ZSWIM6: variants seen among roughly 807,000 people sequenced by gnomAD.
The protein encoded by ZSWIM6 is zinc finger SWIM-type containing 6.
ZSWIM6 carries 9 observed loss-of-function variants against 113.2 expected under a neutral mutation model. That is an observed-to-expected ratio of 0.08 (90% CI 0.05 to 0.14). The LOEUF is 0.14. Ranked by LOEUF, ZSWIM6 falls within the 10% of genes least tolerant of loss-of-function variation. The pLI is 1.00. For synonymous variants in ZSWIM6, 611 were observed against 606.5 expected (o/e 1.01, Z -0.11); for missense variants, 1,162 against 1,552.2 (o/e 0.75, Z 4.22).
chr5:61,390,799 C>G (rs1356095429), intron 1 of ZSWIM6: 1 of 793,368 alleles, frequency 1.3e-6, no homozygotes, highest in Non-Finnish European at 2.3e-6. Flanking sequence ...TCAATCTTCT[C>G]CAGAGGCCGC....
chr5:61,482,112 G>T (rs1340596624), intron 2 of ZSWIM6, among the ~76,000 whole-genome samples: 1 of 152,150 alleles, frequency 6.6e-6, no homozygotes, highest in African/African-American at 2.4e-5. Flanking sequence ...ATGTTGAGAG[G>T]TTTGTCTTTG....
At chr5:61,445,065 C>G (rs1206125469) in intron 1 of ZSWIM6, among the ~76,000 whole-genome samples, 1 of 152,180 alleles carries the variant, frequency 6.6e-6, no homozygotes, top group Non-Finnish European at 1.5e-5. Context: ...TAGTTGCTGC[C>G]TGCAGCATTT....
intron 2 of ZSWIM6, 72 bp downstream of exon 2, chr5:61,473,109 A>G (rs1390255078): frequency 5.1e-6 from 5 of 984,798 alleles, no homozygotes; most frequent in Non-Finnish European, 7.2e-6. Context: ...ATTCTTCTGC[A>G]TAAAAGTGAA....
intron 1 of ZSWIM6, among the ~76,000 whole-genome samples, chr5:61,404,278 T>A (rs1179753759): frequency 6.6e-6 from 1 of 152,276 alleles, no homozygotes; most frequent in Admixed American, 6.5e-5. Context: ...TTCTCACTTA[T>A]CAGTTGCATT....
At chr5:61,347,818 A>G (rs1379928479) in intron 1 of ZSWIM6, 1 of 152,236 alleles carries the variant, frequency 6.6e-6, no homozygotes, top group Non-Finnish European at 1.5e-5. Context: ...ACTTTTCGAC[A>G]TGAAACTCAC....
intron 1 of ZSWIM6, among the ~76,000 whole-genome samples, chr5:61,411,261 G>A (rs1317722659): frequency 1.3e-5 from 2 of 152,188 alleles, no homozygotes; most frequent in Non-Finnish European, 2.9e-5. Context: ...CTTGTTGGAT[G>A]AGTCTGTATT....
intron 1 of ZSWIM6, among the ~76,000 whole-genome samples, chr5:61,422,081 T>C (rs1344272382): frequency 6.6e-6 from 1 of 152,176 alleles, no homozygotes; most frequent in Non-Finnish European, 1.5e-5. Context: ...TGTGATCCCA[T>C]TTGTCCATTT....
At chr5:61,475,989 G>A (rs974852497) in intron 2 of ZSWIM6, among the ~76,000 whole-genome samples, 6 of 152,076 alleles carry the variant, frequency 3.9e-5, no homozygotes, top group African/African-American at 1.2e-4. Context: ...CTTTGGAAAA[G>A]CATCACTTTT....
At position 61,541,034 on chromosome 5, in the gene ZSWIM6, C is replaced by T. The variant is rs182509192; in HGVS notation, c.2704-850C>T. Among the ~76,000 whole-genome samples the T allele has an allele frequency of 3.3e-5, 5 of 150,966 alleles. No homozygotes were observed. In the East Asian group the frequency reaches 7.8e-4, roughly 24 times the overall value. ...TCTCAGCTCACTGCAACCTCTGCCTCCTGGGTTCAAGCAATTCTTCTACTT... is the reference window on the plus strand; with the variant it reads ...TCTCAGCTCACTGCAACCTCTGCCTTCTGGGTTCAAGCAATTCTTCTACTT... On this transcript the variant is annotated intron_variant, in intron 12 of 13. Transcript: ENST00000252744.
chr5:61,332,375 G>T lies in ZSWIM6; in HGVS notation c.103G>T (p.Gly35Cys), dbSNP rs1033632244. ...CAGCAGCGGCGGCGGCGGCGGCGCG[G>T]GTGGCGGCTACAGCTCTGCCTGTCG... ...GGSSGGGGGAGGGYSSACRPG... is the reference protein window; with the variant it reads ...GGSSGGGGGACGGYSSACRPG... The change falls in exon 1 of 14, where the codon GGT (glycine) becomes TGT (cysteine). Residue 35 changes from glycine (G) to cysteine (C), a missense_variant. Coordinates refer to ENST00000252744, the MANE Select transcript of ZSWIM6 (RefSeq NM_020928.2). 8.1e-6 allele frequency: 8 copies of T among 993,294 alleles called. No individual in the cohort carries two copies. Among genetic ancestry groups the T allele is most frequent in the Non-Finnish European group, 8.4e-6 (7 of 834,966 alleles). The allele number at this position is 993,294 out of a possible 1,614,324, so 61.5% of individuals were successfully genotyped here. A position where few individuals can be genotyped will look rare whatever the true frequency, so the allele number is the denominator to read the frequency against.
intron 1 of ZSWIM6, among the ~76,000 whole-genome samples, chr5:61,436,262 G>A (rs1217425548): frequency 6.6e-6 from 1 of 151,890 alleles, no homozygotes. Context: ...GTAGCAGCTT[G>A]AACATCAGCT....
intron 1 of ZSWIM6, chr5:61,391,631 T>C (rs937422347): frequency 1.1e-6 from 1 of 936,728 alleles, no homozygotes; most frequent in Non-Finnish European, 1.8e-6. Context: ...ATGGGTGGTA[T>C]CTCCACAATG....
At position 61,491,218 on chromosome 5, in the gene ZSWIM6, AGT is replaced by A. The variant is rs373571431; in HGVS notation, c.1182+287_1182+288del. Among the ~76,000 whole-genome samples, 1,344 of 152,186 alleles carry A rather than the reference AGT, an allele frequency of 8.8e-3. 12 individuals carry two copies. Among genetic ancestry groups the A allele is most frequent in the South Asian group, 0.018 (87 of 4,826 alleles). Reference sequence around the variant, plus strand: ...CAATAATAAAAGCAAAATAATTAACAGTGTTATTCAAAATGCCATTTTTTTCA... The same window carrying A: ...CAATAATAAAAGCAAAATAATTAACAGTTATTCAAAATGCCATTTTTTTCA... On this transcript the variant is annotated intron_variant, in intron 3 of 13. Coordinates refer to ENST00000252744, the MANE Select transcript of ZSWIM6 (RefSeq NM_020928.2).
At chr5:61,438,475 A>G (rs939943509) in intron 1 of ZSWIM6, among the ~76,000 whole-genome samples, 3 of 152,220 alleles carry the variant, frequency 2.0e-5, no homozygotes, top group African/African-American at 4.8e-5. Flanking sequence ...CATGAGTTTT[A>G]GTATTCTGTG....
chr5:61,491,700 TG>T (rs1179130960), intron 3 of ZSWIM6, among the ~76,000 whole-genome samples: 1 of 152,098 alleles, frequency 6.6e-6, no homozygotes, highest in South Asian at 2.1e-4. Flanking sequence ...ATATTTTCAT[TG>T]GGGGTATAGT....
intron 4 of ZSWIM6, among the ~76,000 whole-genome samples, chr5:61,501,368 T>C (rs1426060461): frequency 6.6e-6 from 1 of 152,204 alleles, no homozygotes; most frequent in Non-Finnish European, 1.5e-5. Flanking sequence ...TGTACTGCTA[T>C]CAACTATCCT....
At chr5:61,494,943 A>G (rs922718898) in intron 4 of ZSWIM6, among the ~76,000 whole-genome samples, 24 of 152,180 alleles carry the variant, frequency 1.6e-4, no homozygotes, top group South Asian at 2.1e-4. Context: ...AAATATAGCA[A>G]GTGTTCAAAA....
intron 1 of ZSWIM6, among the ~76,000 whole-genome samples, chr5:61,360,432 G>A (rs1745010403): frequency 6.6e-6 from 1 of 152,226 alleles, no homozygotes. Flanking sequence ...AGCTTGCTTT[G>A]CAGATGTGGA....
intron 1 of ZSWIM6, among the ~76,000 whole-genome samples, chr5:61,372,958 A>C (rs868349369): frequency 1.6e-4 from 25 of 152,242 alleles, no homozygotes; most frequent in Admixed American, 3.3e-4. Flanking sequence ...AAAAATTATA[A>C]ATTATACAAG....
Sources: gnomAD v4.1 joint callset for allele counts (sites outside exome capture counted in the v4.1 genomes callset) on GRCh38, gnomAD v4.1.1 for gene constraint, MANE v1.5 for transcripts, NCBI Gene and HGNC (gene_info 2026-07-23, HGNC 2026-07-21) for gene names.